SUCLG2: variants seen among roughly 807,000 people sequenced by gnomAD.
SUCLG2 encodes succinate--CoA ligase [GDP-forming] subunit beta, mitochondrial.
In SUCLG2, 42 loss-of-function variants were observed where a neutral mutation model predicts 47.9. The ratio of observed to expected loss-of-function variants is 0.88; its 90% CI spans 0.69 to 1.14. The LOEUF (loss-of-function observed/expected upper bound fraction) is 1.14, where lower values mean the gene tolerates loss of function less well. Among genes scored for constraint, SUCLG2 ranks in the 50% most tolerant of loss-of-function variants. The pLI, the probability that SUCLG2 is intolerant of heterozygous loss-of-function variation, is 0.00. For synonymous variants in SUCLG2, 195 were observed against 197.3 expected (o/e 0.99, Z 0.10); for missense variants, 571 against 525.9 (o/e 1.09, Z -0.84).
chr3:67,497,196 T>TTG (rs1705370053), intron 8 of SUCLG2, among the ~76,000 whole-genome samples: 1 of 152,196 alleles, frequency 6.6e-6, no homozygotes, highest in South Asian at 2.1e-4. Context: ...TAATTGGATG[T>TTG]CATTTTCTAT....
At chr3:67,626,896 AGAGT>A (rs1263376023) in intron 1 of SUCLG2, among the ~76,000 whole-genome samples, 3 of 135,652 alleles carry the variant, frequency 2.2e-5, no homozygotes, top group Admixed American at 1.6e-4. Context: ...CCTGGGCGAC[AGAGT>A]GAGACTCCGT....
chr3:67,556,917 T>A (rs1381628821), intron 2 of SUCLG2, among the ~76,000 whole-genome samples: 1 of 152,194 alleles, frequency 6.6e-6, no homozygotes. Flanking sequence ...GTAAAAAAAC[T>A]GGAGAACAGG....
intron 7 of SUCLG2, among the ~76,000 whole-genome samples, chr3:67,503,896 T>G (rs1482086696): frequency 6.6e-6 from 1 of 152,160 alleles, no homozygotes; most frequent in Non-Finnish European, 1.5e-5. Context: ...AAAACATGAC[T>G]GGCAGTTAGA....
intron 1 of SUCLG2, among the ~76,000 whole-genome samples, chr3:67,646,353 T>C (rs571370669): frequency 6.0e-4 from 91 of 152,276 alleles, no homozygotes; most frequent in Non-Finnish European, 7.9e-4. Context: ...CCCAGCACTT[T>C]GTGAGGCCAG....
chr3:67,570,805 T>G (rs1169227271), intron 2 of SUCLG2, among the ~76,000 whole-genome samples: 1 of 151,938 alleles, frequency 6.6e-6, no homozygotes, highest in Non-Finnish European at 1.5e-5. Flanking sequence ...TCCAACTTAG[T>G]TGTCTCCTCT....
chr3:67,621,065 A>G (rs960257390), intron 1 of SUCLG2, among the ~76,000 whole-genome samples: 2 of 152,220 alleles, frequency 1.3e-5, no homozygotes, highest in African/African-American at 4.8e-5. Flanking sequence ...AGTAAATATT[A>G]TAGGCTTTGA....
chr3:67,454,132 T>C (rs1255712602), intron 9 of SUCLG2, among the ~76,000 whole-genome samples: 1 of 152,218 alleles, frequency 6.6e-6, no homozygotes, highest in East Asian at 1.9e-4. Flanking sequence ...ATTCCCAATG[T>C]TGGATAAGAA....
intron 2 of SUCLG2, among the ~76,000 whole-genome samples, chr3:67,581,348 A>G (rs895372760): frequency 3.6e-4 from 55 of 152,358 alleles, no homozygotes; most frequent in African/African-American, 1.3e-3. Context: ...ACACATGTCT[A>G]TGGTCAACAT....
chr3:67,504,719 T>C (rs1575740416), intron 7 of SUCLG2, among the ~76,000 whole-genome samples: 1 of 152,112 alleles, frequency 6.6e-6, no homozygotes, highest in African/African-American at 2.4e-5. Flanking sequence ...ACCCTTCCCA[T>C]GGAGTACAAC....
intron 9 of SUCLG2, among the ~76,000 whole-genome samples, chr3:67,439,237 G>A (rs78461257): frequency 3.3e-5 from 5 of 152,012 alleles, no homozygotes; most frequent in Admixed American, 2.0e-4. Flanking sequence ...GGAACATATC[G>A]CAAAATAATA....
chr3:67,628,019 G>T (rs959313378), intron 1 of SUCLG2, among the ~76,000 whole-genome samples: 1 of 152,096 alleles, frequency 6.6e-6, no homozygotes, highest in Non-Finnish European at 1.5e-5. Flanking sequence ...TGCCCTTCTA[G>T]TCCTCCAATA....
downstream of SUCLG2, among the ~76,000 whole-genome samples, chr3:67,371,496 G>C (rs1331440130): frequency 1.3e-5 from 2 of 152,162 alleles, no homozygotes; most frequent in African/African-American, 2.4e-5. Flanking sequence ...ATGTTGGGAA[G>C]GCACTGAGTT....
intron 9 of SUCLG2, among the ~76,000 whole-genome samples, chr3:67,466,653 C>A (rs75964031): frequency 6.6e-6 from 1 of 152,168 alleles, no homozygotes; most frequent in African/African-American, 2.4e-5. Flanking sequence ...TTGTCGCTAT[C>A]GATTTTTATA....
chr3:67,436,306 C>T (rs1703619471), intron 9 of SUCLG2, among the ~76,000 whole-genome samples: 1 of 152,162 alleles, frequency 6.6e-6, no homozygotes, highest in African/African-American at 2.4e-5. Context: ...TGCTTTCCAG[C>T]CCTTTGCCAG....
intron 9 of SUCLG2, among the ~76,000 whole-genome samples, chr3:67,453,938 T>C (rs1268830291): frequency 1.3e-5 from 2 of 152,188 alleles, no homozygotes; most frequent in Non-Finnish European, 2.9e-5. Context: ...AGGTTGTCGT[T>C]GTCGTGCATT....
chr3:67,501,104 G>A (rs138738429), intron 7 of SUCLG2, among the ~76,000 whole-genome samples: 7 of 152,128 alleles, frequency 4.6e-5, no homozygotes, highest in South Asian at 2.1e-4. Context: ...TATCTACAAC[G>A]GTCCTGTGCC....
intron 10 of SUCLG2, among the ~76,000 whole-genome samples, chr3:67,391,507 C>T (rs771006237): frequency 3.3e-5 from 5 of 152,118 alleles, no homozygotes; most frequent in South Asian, 2.1e-4. Context: ...CCATATGCTT[C>T]GTGGCTATTC....
At chr3:67,574,186 T>C (rs1707687558) in intron 2 of SUCLG2, among the ~76,000 whole-genome samples, 2 of 152,208 alleles carry the variant, frequency 1.3e-5, no homozygotes, top group African/African-American at 4.8e-5. Flanking sequence ...GTTTTCTGCC[T>C]TTAAGGACTT....
At chr3:67,430,905 G>A (rs964217336) in intron 9 of SUCLG2, among the ~76,000 whole-genome samples, 2 of 152,160 alleles carry the variant, frequency 1.3e-5, no homozygotes, top group African/African-American at 4.8e-5. Flanking sequence ...AAATCAGGAA[G>A]AAGTTGAATC....
Sources: gnomAD v4.1 joint callset for allele counts (sites outside exome capture counted in the v4.1 genomes callset) on GRCh38, gnomAD v4.1.1 for gene constraint, MANE v1.5 for transcripts, NCBI Gene and HGNC (gene_info 2026-07-23, HGNC 2026-07-21) for gene names.